PKHD1L1: variants seen among roughly 807,000 people sequenced by gnomAD.
The protein encoded by PKHD1L1 is fibrocystin-L.
A neutral mutation model predicts 462.9 loss-of-function variants in PKHD1L1; 434 were observed. The observed-to-expected ratio is 0.94, with a 90% confidence interval of 0.87 to 1.02. The LOEUF is 1.02. PKHD1L1 is among the 50% of genes least tolerant of loss of function. The probability of loss-of-function intolerance (pLI) is 0.00; values close to 1 mark genes in which losing one functional copy is unlikely to be tolerated. For synonymous variants in PKHD1L1, 1,781 were observed against 1,750.0 expected (o/e 1.02, Z -0.44); for missense variants, 5,202 against 5,096.1 (o/e 1.02, Z -0.63).
intron 24 of PKHD1L1, 120 bp downstream of exon 24, chr8:109,425,352 T>A: frequency 1.7e-6 from 1 of 601,840 alleles, no homozygotes; most frequent in Non-Finnish European, 2.5e-6. Flanking sequence ...AATATATTAA[T>A]TATTTATTTG....
chr8:109,409,959 A>G lies in PKHD1L1; in HGVS notation c.2066A>G (p.Tyr689Cys), dbSNP rs1469054589. 1 of 1,575,194 alleles carries G rather than the reference A, an allele frequency of 6.3e-7. No individual in the cohort carries two copies. The highest frequency in any genetic ancestry group is 1.2e-5 in the South Asian group (1 of 86,082). The change falls in exon 19 of 78, where the codon TAT (tyrosine) becomes TGT (cysteine). Residue 689 changes from tyrosine (Y) to cysteine (C), a missense_variant. Physicochemically the swap from Tyr to Cys is radical, Grantham distance 194 (BLOSUM62 -2). Around this residue, in one of 3 missense-constraint regions of PKHD1L1, gnomAD observed 4,497 missense variants for 4,336.8 expected, o/e 1.04. Coordinates refer to ENST00000378402, the MANE Select transcript of PKHD1L1 (RefSeq NM_177531.6). The stretch of plus-strand genomic sequence containing the variant: ...TTTGTTGTGAAATATTTCAGAGACT[A>G]TGAAACTGATTTTAATCTGGTATGA... The part of the protein sequence containing the change: ...EGFVVKYFRD[Y>C]ETDFNLEHIN...
chr8:109,411,456 A>G (rs993112332), intron 19 of PKHD1L1, among the ~76,000 whole-genome samples: 13 of 152,288 alleles, frequency 8.5e-5, no homozygotes, highest in Non-Finnish European at 1.9e-4. Flanking sequence ...TAATAGATGA[A>G]CTTTTCAACT....
intron 50 of PKHD1L1, among the ~76,000 whole-genome samples, chr8:109,467,369 T>C (rs1817499121): frequency 6.6e-6 from 1 of 152,024 alleles, no homozygotes; most frequent in South Asian, 2.1e-4. Flanking sequence ...ATGGCACTAA[T>C]CTCTACATTC....
In PKHD1L1 at chr8:109,464,714, G is replaced by C. The variant is rs1204199341; in HGVS notation, c.7882G>C (p.Glu2628Gln). Residue 2628 changes from glutamate to glutamine, a missense_variant, in exon 49 of 78, where the codon GAG becomes CAG. Glu to Gln is a conservative substitution (Grantham distance 29, BLOSUM62 2). This residue lies in a region of PKHD1L1 where 4,497 missense variants were observed against 4,336.8 expected (regional missense o/e 1.04). Transcript: ENST00000378402. ...AGGTTGGTTTGGAATGTGGATCTTT[G>C]AGGAATATTTCCCCATGCAAACGGG... is the stretch of plus-strand genomic sequence containing the variant. ...SQGWFGMWIF[E>Q]EYFPMQTGSC... 6.2e-7 allele frequency: 1 copy of C among 1,613,780 alleles called. No homozygotes were observed. The highest frequency in any genetic ancestry group is 8.5e-7 in the Non-Finnish European group (1 of 1,179,802).
chr8:109,419,565 G>C (rs1474684362), intron 22 of PKHD1L1, among the ~76,000 whole-genome samples: 1 of 151,854 alleles, frequency 6.6e-6, no homozygotes, highest in African/African-American at 2.4e-5. Flanking sequence ...TTTTATTTTT[G>C]AGAAACCAAC....
In PKHD1L1 at chr8:109,420,624, T is replaced by G. The variant is rs758596180; in HGVS notation, c.2631T>G (p.Tyr877Ter). The G allele has an allele frequency of 2.2e-5, 36 of 1,609,476 alleles. No homozygotes were observed. Among genetic ancestry groups the G allele is most frequent in the Non-Finnish European group, 3.1e-5 (36 of 1,177,888 alleles). ...ATGGGCCAACTATGACAAACCAATA[T>G]TCTGTTACCATGACTTCATACAATT... ...KTNGPTMTNQYSVTMTSYNCS... is the reference protein window; with the variant it reads ...KTNGPTMTNQ Residue 877 changes from tyrosine (Y) to a stop codon, truncating the protein, a stop_gained, in exon 23 of 78, where the codon TAT (tyrosine) becomes TAG (stop). Transcript: ENST00000378402. LOFTEE classifies it high-confidence loss of function.
chr8:109,450,460 T>C (rs1211700736), intron 40 of PKHD1L1, among the ~76,000 whole-genome samples: 2 of 152,184 alleles, frequency 1.3e-5, no homozygotes, highest in South Asian at 2.1e-4. Context: ...ACACCAGAGT[T>C]TGAATCCTGA....
Position 109,518,415 on chromosome 8 carries a change from G to C in PKHD1L1, c.11938G>C (p.Gly3980Arg). 2 of 1,612,818 alleles carry C rather than the reference G, an allele frequency of 1.2e-6. No individual in the cohort carries two copies. Among genetic ancestry groups the C allele is most frequent in the African/African-American group, 1.3e-5 (1 of 75,016 alleles). The change falls in exon 73 of 78, where the codon GGG becomes CGG. Residue 3980 changes from glycine (G) to arginine (R), a missense_variant. Coordinates refer to ENST00000378402, the MANE Select transcript of PKHD1L1 (RefSeq NM_177531.6). Reference protein sequence around the residue: ...SDKIRISKIRGKSLRRKRSMG... With the variant: ...SDKIRISKIRRKSLRRKRSMG... The stretch of plus-strand genomic sequence containing the variant: ...CAAAATCCGTATCAGCAAAATAAGA[G>C]GGAAGAGTCTGAGGAGGAAGAGATC...
At chr8:109,385,708 T>C (rs1777612109) in intron 6 of PKHD1L1, 78 bp downstream of exon 6, 1 of 908,550 alleles carries the variant, frequency 1.1e-6, no homozygotes, top group Admixed American at 3.1e-5. Context: ...GGTCCAATGA[T>C]ATTAAATCCC....
chr8:109,374,480 G>A (rs1275044463), intron 2 of PKHD1L1, among the ~76,000 whole-genome samples: 14 of 152,124 alleles, frequency 9.2e-5, no homozygotes, highest in Non-Finnish European at 2.9e-5. Flanking sequence ...TCTTTTAATT[G>A]GAGCATTTAG....
intron 1 of PKHD1L1, among the ~76,000 whole-genome samples, chr8:109,364,113 G>A (rs1811110579): frequency 6.6e-6 from 1 of 152,058 alleles, no homozygotes; most frequent in African/African-American, 2.4e-5. Context: ...TTTGTACCTG[G>A]TCTAGTCTTT....
intron 50 of PKHD1L1, 38 bp downstream of exon 50, chr8:109,466,807 T>C (rs1267802364): frequency 1.3e-6 from 2 of 1,516,306 alleles, no homozygotes; most frequent in Admixed American, 2.2e-5. Flanking sequence ...CTAATTTAAA[T>C]ATATCTTCCT....
chr8:109,445,998 T>A (rs1196466316), intron 38 of PKHD1L1, among the ~76,000 whole-genome samples: 1 of 152,172 alleles, frequency 6.6e-6, no homozygotes, highest in Non-Finnish European at 1.5e-5. Flanking sequence ...AATCAAAAGT[T>A]ACAATCTTAC....
chr8:109,382,364 C>T (rs1586394902), intron 3 of PKHD1L1, 99 bp from the exon 4 acceptor site: 1 of 955,054 alleles, frequency 1.0e-6, no homozygotes, highest in Non-Finnish European at 1.5e-6. Flanking sequence ...CACTTTCTGT[C>T]AAAAATAGCC....
At position 109,465,082 on chromosome 8, in the gene PKHD1L1, C is replaced by A. The variant is rs760079032; in HGVS notation, c.8250C>A (p.Asn2750Lys). ...ACTTTATGAACTTTGACCGTCCCAA[C>A]TGTGTAGCTTTGGGAGTGACATCCA... is the stretch of plus-strand genomic sequence containing the variant. ...SVHFMNFDRP[N>K]CVALGVTSIS... The change falls in exon 49 of 78, where the codon AAC becomes AAA. Residue 2750 changes from asparagine (N) to lysine (K), a missense_variant. Coordinates refer to ENST00000378402, the MANE Select transcript of PKHD1L1 (RefSeq NM_177531.6). 1 of 1,613,828 alleles carries A rather than the reference C, an allele frequency of 6.2e-7. No homozygotes were observed. Among genetic ancestry groups the A allele is most frequent in the South Asian group, 1.1e-5 (1 of 91,090 alleles).
rs780076921 is a variant in PKHD1L1 at position 109,445,651 on chromosome 8, C to G, written c.5776+6C>G. 1 of 1,582,292 alleles carries G rather than the reference C, an allele frequency of 6.3e-7. No homozygotes were observed. The highest frequency in any genetic ancestry group is 1.1e-5 in the South Asian group (1 of 89,146). On this transcript the variant is annotated splice_donor_region_variant and intron_variant, in intron 38 of 77. Coordinates refer to ENST00000378402, the MANE Select transcript of PKHD1L1 (RefSeq NM_177531.6). ...AGGAATTATCCCAAGCAGAGGTACTCCAATATCTGCCTTATTATCTTGATA... is the reference window on the plus strand; with the variant it reads ...AGGAATTATCCCAAGCAGAGGTACTGCAATATCTGCCTTATTATCTTGATA...
chr8:109,513,961 G>T (rs1563628677), intron 71 of PKHD1L1, among the ~76,000 whole-genome samples: 1 of 152,020 alleles, frequency 6.6e-6, no homozygotes, highest in Non-Finnish European at 1.5e-5. Context: ...AAATATGTCA[G>T]ATCACGTCTC....
chr8:109,382,486 C>T lies in PKHD1L1; in HGVS notation c.332C>T (p.Thr111Ile), dbSNP rs1812175616. The change falls in exon 4 of 78, where the codon ACT (threonine) becomes ATT (isoleucine). Residue 111 changes from threonine (T) to isoleucine (I), a missense_variant. This residue lies in a region of PKHD1L1 where 4,497 missense variants were observed against 4,336.8 expected (regional missense o/e 1.04). Transcript: ENST00000378402. ...YTRAMPEDSYTVRVSVDGVPV... is the reference protein window; with the variant it reads ...YTRAMPEDSYIVRVSVDGVPV... The stretch of plus-strand genomic sequence containing the variant: ...AGAGCAATGCCGGAAGATTCCTACA[C>T]TGTTAGAGTCAGTGTGGACGGGGTT... 4 of 1,610,478 alleles carry T rather than the reference C, an allele frequency of 2.5e-6. No individual in the cohort carries two copies. In the African/African-American group the frequency reaches 5.4e-5, roughly 22 times the overall value.
Position 109,533,310 on chromosome 8 carries a change from T to C in PKHD1L1, c.*3220T>C, listed in dbSNP as rs1029522520. Among the ~76,000 whole-genome samples, 1 of 152,272 alleles carries C rather than the reference T, an allele frequency of 6.6e-6. No individual in the cohort carries two copies. The highest frequency in any genetic ancestry group is 2.1e-4 in the South Asian group (1 of 4,838). ...CTGAAGACTGATGGTATCATATATA[T>C]GACATGTAACACAGTGCCTAACAGG... is the stretch of plus-strand genomic sequence containing the variant. On this transcript the variant is annotated 3_prime_UTR_variant, in exon 78 of 78. Transcript: ENST00000378402.
Sources: gnomAD v4.1 joint callset for allele counts (sites outside exome capture counted in the v4.1 genomes callset) on GRCh38, gnomAD v4.1.1 for gene constraint, gnomAD v4.1.1 regional missense constraint, MANE v1.5 for transcripts, NCBI Gene and HGNC (gene_info 2026-07-23, HGNC 2026-07-21) for gene names.